DPYD: variants seen among roughly 807,000 people sequenced by gnomAD.
The protein encoded by DPYD is dihydropyrimidine dehydrogenase [NADP(+)].
In DPYD, 109 loss-of-function variants were observed where a neutral mutation model predicts 116.2. The observed-to-expected ratio is 0.94, with a 90% CI of 0.80 to 1.10. DPYD has a LOEUF of 1.10. Ranked by LOEUF, DPYD falls within the 50% of genes least tolerant of loss-of-function variation. The pLI is 0.00. For synonymous variants in DPYD, 440 were observed against 432.0 expected (o/e 1.02, Z -0.23); for missense variants, 1,302 against 1,254.5 (o/e 1.04, Z -0.57).
chr1:97,896,973 C>T (rs1236763076), intron 1 of DPYD, among the ~76,000 whole-genome samples: 1 of 151,908 alleles, frequency 6.6e-6, no homozygotes, highest in South Asian at 2.1e-4. Context: ...ATATATCTAC[C>T]TATGTAGTTA....
chr1:97,581,200 G>A lies in DPYD; in HGVS notation c.1129-7230C>T, dbSNP rs146353874. The stretch of plus-strand genomic sequence containing the variant: ...AAAATTAGCTGGGGTGGTGGCGGGC[G>A]CCTGTAGTCCCAGCTACTCAGGATG... On this transcript the variant is annotated intron_variant, in intron 10 of 22. Transcript: ENST00000370192. Among the ~76,000 whole-genome samples the A allele has an allele frequency of 9.9e-5, 15 of 151,846 alleles. No individual in the cohort carries two copies. In the East Asian group the frequency reaches 1.4e-3, roughly 14 times the overall value.
intron 15 of DPYD, among the ~76,000 whole-genome samples, chr1:97,380,182 G>A (rs1671866558): frequency 6.6e-6 from 1 of 152,136 alleles, no homozygotes; most frequent in African/African-American, 2.4e-5. Context: ...CTTCAGAAAT[G>A]GCTCAGTTTG....
chr1:97,557,314 T>C (rs1353908822), intron 11 of DPYD, among the ~76,000 whole-genome samples: 4 of 139,528 alleles, frequency 2.9e-5, no homozygotes, highest in African/African-American at 1.1e-4. Flanking sequence ...TTTTCTTTTT[T>C]TTTTTTTTTT....
At chr1:97,594,579 A>C (rs1557824951) in intron 9 of DPYD, among the ~76,000 whole-genome samples, 1 of 152,150 alleles carries the variant, frequency 6.6e-6, no homozygotes. Context: ...GGTCAGGCCA[A>C]ACCAAGGTAC....
At chr1:97,100,202 C>T (rs114257381) in intron 20 of DPYD, among the ~76,000 whole-genome samples, 2,057 of 152,024 alleles carry the variant, frequency 0.014, 35 homozygotes, top group African/African-American at 0.047. Flanking sequence ...GAGTATAAAA[C>T]AAGTCCTTAT....
intron 14 of DPYD, among the ~76,000 whole-genome samples, chr1:97,427,018 T>C (rs1275999810): frequency 6.6e-6 from 1 of 152,106 alleles, no homozygotes; most frequent in Non-Finnish European, 1.5e-5. Flanking sequence ...AGAAGGACTT[T>C]ATTTTTATGC....
intron 14 of DPYD, among the ~76,000 whole-genome samples, chr1:97,401,619 T>G (rs1283718847): frequency 6.6e-6 from 1 of 152,108 alleles, no homozygotes; most frequent in Non-Finnish European, 1.5e-5. Flanking sequence ...CAGCCAGAGT[T>G]TTTTATTTTA....
chr1:97,400,150 T>C (rs1012468849), intron 14 of DPYD, among the ~76,000 whole-genome samples: 1 of 152,224 alleles, frequency 6.6e-6, no homozygotes, highest in Non-Finnish European at 1.5e-5. Context: ...TGAGAGTTTT[T>C]AGCATGAAGG....
intron 20 of DPYD, among the ~76,000 whole-genome samples, chr1:97,155,214 G>A (rs146373412): frequency 1.3e-5 from 2 of 152,082 alleles, no homozygotes; most frequent in South Asian, 2.1e-4. Flanking sequence ...TTTTCTATTT[G>A]ATTTCACTAC....
intron 3 of DPYD, among the ~76,000 whole-genome samples, chr1:97,758,334 T>C (rs1161107395): frequency 2.0e-5 from 3 of 150,020 alleles, no homozygotes; most frequent in Non-Finnish European, 4.4e-5. Context: ...TTCACATATG[T>C]CAAAAGTGTT....
intron 19 of DPYD, among the ~76,000 whole-genome samples, chr1:97,211,165 C>T (rs1660008036): frequency 1.3e-5 from 2 of 152,182 alleles, no homozygotes; most frequent in Admixed American, 6.6e-5. Flanking sequence ...GGTCCTGCCT[C>T]GTTGGCCTTC....
intron 5 of DPYD, among the ~76,000 whole-genome samples, chr1:97,702,509 T>G (rs1303413411): frequency 2.0e-5 from 3 of 151,944 alleles, no homozygotes; most frequent in Non-Finnish European, 4.4e-5. Context: ...TAACATTGTG[T>G]TTTAACAAAT....
chr1:97,281,076 G>A (rs1445762945), intron 18 of DPYD, among the ~76,000 whole-genome samples: 2 of 151,814 alleles, frequency 1.3e-5, no homozygotes, highest in Non-Finnish European at 2.9e-5. Context: ...TTGTACAAAA[G>A]TTAAAATATA....
At chr1:97,818,588 C>G (rs1668755296) in intron 3 of DPYD, among the ~76,000 whole-genome samples, 1 of 151,972 alleles carries the variant, frequency 6.6e-6, no homozygotes, top group African/African-American at 2.4e-5. Context: ...ACACTGGTAA[C>G]AGCTAATATA....
In DPYD at chr1:97,223,388, A is replaced by AACACACAC. The variant is rs67855545; in HGVS notation, c.2442+11456_2442+11463dup. Among the ~76,000 whole-genome samples, 808 of 148,416 alleles carry AACACACAC rather than the reference A, an allele frequency of 5.4e-3. 13 individuals carry two copies. The East Asian group carries it at 0.077, about 14-fold the overall frequency. On this transcript the variant is annotated intron_variant, in intron 19 of 22. Coordinates refer to ENST00000370192, the MANE Select transcript of DPYD (RefSeq NM_000110.4). ...AACCCACGCAGAAAAGATAGAATTA[A>AACACACAC]ACACACACACACACACACACACACA...
intron 14 of DPYD, among the ~76,000 whole-genome samples, chr1:97,443,278 A>C (rs949093779): frequency 1.3e-5 from 2 of 152,188 alleles, no homozygotes; most frequent in African/African-American, 4.8e-5. Context: ...AATGTCCACA[A>C]AATAATGTCA....
intron 16 of DPYD, among the ~76,000 whole-genome samples, chr1:97,346,501 G>T (rs1669851604): frequency 6.6e-6 from 1 of 151,648 alleles, no homozygotes; most frequent in Non-Finnish European, 1.5e-5. Flanking sequence ...TTTTGATTAA[G>T]AAATTTTAAC....
Position 97,376,865 on chromosome 1 carries a change from T to TTGTGTGTG in DPYD, c.1975-3229_1975-3222dup, listed in dbSNP as rs66598688. Among the ~76,000 whole-genome samples, 63 of 134,536 alleles carry TTGTGTGTG rather than the reference T, an allele frequency of 4.7e-4. 1 individual carries two copies. The highest frequency in any genetic ancestry group is 3.8e-3 in the South Asian group (14 of 3,696). The allele number at this position is 134,536 out of a possible 152,430, so 88.3% of individuals were successfully genotyped here. On this transcript the variant is annotated intron_variant, in intron 15 of 22. Transcript: ENST00000370192. ...TCTATACACAGTAGAAAGAGAGAGT[T>TTGTGTGTG]TGTGTGTGTGTGTGTGTGTGTGTAT...
intron 2 of DPYD, among the ~76,000 whole-genome samples, chr1:97,869,046 T>C (rs879749162): frequency 1.3e-5 from 2 of 151,852 alleles, no homozygotes; most frequent in Non-Finnish European, 2.9e-5. Context: ...GCCTGGCCTT[T>C]TCTGATTTTC....
Sources: allele counts gnomAD v4.1 joint callset (sites outside exome capture counted in the v4.1 genomes callset), GRCh38; gene constraint gnomAD v4.1.1; transcripts MANE v1.5; gene names NCBI Gene and HGNC (gene_info 2026-07-23, HGNC 2026-07-21).